Variants in SNX4 observed in about 807,000 individuals in gnomAD.
The protein encoded by SNX4 is sorting nexin 4, also known as sorting nexin-4.
Under a neutral mutation model 70.8 loss-of-function variants are expected in SNX4, and 49 were observed. That is an observed-to-expected ratio of 0.69 (90% CI 0.55 to 0.88). The LOEUF is 0.88. Among genes scored for constraint, SNX4 ranks in the 40% least tolerant of loss-of-function variants. The probability of loss-of-function intolerance (pLI) is 0.00; values close to 1 mark genes in which losing one functional copy is unlikely to be tolerated. For missense variants in SNX4, 528 were observed against 544.8 expected, an observed-to-expected ratio of 0.97 and a Z score of 0.31; for synonymous variants, 206 against 183.8, an observed-to-expected ratio of 1.12 and a Z score of -0.98.
intron 1 of SNX4, among the ~76,000 whole-genome samples, chr3:125,516,656 C>A (rs1935290787): frequency 6.6e-6 from 1 of 152,176 alleles, no homozygotes; most frequent in Non-Finnish European, 1.5e-5. Context: ...GCCTGGCCAA[C>A]ATGGTGAAAC....
intron 5 of SNX4, among the ~76,000 whole-genome samples, chr3:125,496,039 T>C (rs1041858438): frequency 6.6e-6 from 1 of 152,152 alleles, no homozygotes. Context: ...ACAGTAAAAC[T>C]AGCACTTCGG....
intron 1 of SNX4, among the ~76,000 whole-genome samples, chr3:125,510,358 GA>G (rs1320293794): frequency 1.3e-5 from 2 of 151,664 alleles, no homozygotes; most frequent in Non-Finnish European, 2.9e-5. Context: ...AGCCTCCCGA[GA>G]AGCTGGGACT....
At chr3:125,496,059 G>A (rs935990338) in intron 5 of SNX4, among the ~76,000 whole-genome samples, 33 of 152,180 alleles carry the variant, frequency 2.2e-4, no homozygotes, top group Admixed American at 2.0e-3. Flanking sequence ...GGAGGCTGAG[G>A]AGAGAGAATC....
rs1310566978 is a variant in SNX4 at position 125,485,983 on chromosome 3, G to C, written c.653+3425C>G. 2.6e-5 allele frequency among the ~76,000 whole-genome samples: 4 copies of C among 152,262 alleles called. No individual in the cohort carries two copies. The East Asian group carries it at 7.7e-4, about 29-fold the overall frequency. Reference sequence around the variant, plus strand: ...AGCCTCCTGAGTAGCTGGGATTACAGGTGTGCCCCACCACACCCAACTGAT... The same window carrying C: ...AGCCTCCTGAGTAGCTGGGATTACACGTGTGCCCCACCACACCCAACTGAT... On this transcript the variant is annotated intron_variant, in intron 6 of 13. Transcript: ENST00000251775.
intron 5 of SNX4, among the ~76,000 whole-genome samples, chr3:125,494,777 C>A (rs1934744747): frequency 6.6e-6 from 1 of 152,164 alleles, no homozygotes; most frequent in Non-Finnish European, 1.5e-5. Context: ...TCTACTTTTT[C>A]TTGAGGCCTC....
intron 5 of SNX4, among the ~76,000 whole-genome samples, chr3:125,490,256 C>A (rs116513045): frequency 6.6e-6 from 1 of 151,874 alleles, no homozygotes; most frequent in East Asian, 1.9e-4. Flanking sequence ...TGTACTAGGC[C>A]GGGCGCGGTG....
At chr3:125,517,055 C>T (rs962908661) in intron 1 of SNX4, 2 of 152,112 alleles carry the variant, frequency 1.3e-5, no homozygotes, top group South Asian at 2.1e-4. Context: ...ACTGTTTCCC[C>T]CCTTCTCACT....
intron 6 of SNX4, among the ~76,000 whole-genome samples, chr3:125,488,368 G>A (rs1262912786): frequency 6.6e-6 from 1 of 151,738 alleles, no homozygotes; most frequent in Non-Finnish European, 1.5e-5. Context: ...CTAGCTACTC[G>A]GGAGGCGGAG....
intron 1 of SNX4, among the ~76,000 whole-genome samples, chr3:125,506,923 A>G (rs370902614): frequency 2.1e-5 from 3 of 144,548 alleles, no homozygotes; most frequent in South Asian, 5.0e-4. Context: ...AAAAAGTGGC[A>G]GGGCATGATG....
intron 2 of SNX4, among the ~76,000 whole-genome samples, chr3:125,500,902 A>G (rs1934915310): frequency 1.3e-5 from 2 of 151,898 alleles, no homozygotes; most frequent in South Asian, 4.1e-4. Context: ...AAAAAAAAAA[A>G]AAATTACAGA....
chr3:125,460,143 G>C (rs565553531), intron 10 of SNX4, among the ~76,000 whole-genome samples: 1 of 147,060 alleles, frequency 6.8e-6, no homozygotes, highest in African/African-American at 2.5e-5. Flanking sequence ...GCAGTGAGCC[G>C]AGATCACGCC....
intron 2 of SNX4, among the ~76,000 whole-genome samples, chr3:125,499,333 C>T (rs187132561): frequency 1.3e-5 from 2 of 152,240 alleles, no homozygotes; most frequent in Non-Finnish European, 2.9e-5. Flanking sequence ...TGTATTTGTA[C>T]ATTAGGACAA....
chr3:125,495,959 G>C lies in SNX4; in HGVS notation c.597+1382C>G, dbSNP rs1411209854. 2.0e-5 allele frequency among the ~76,000 whole-genome samples: 3 copies of C among 152,110 alleles called. No individual in the cohort carries two copies. The East Asian group carries it at 5.8e-4, about 29-fold the overall frequency. On this transcript the variant is annotated intron_variant, in intron 5 of 13. Coordinates refer to ENST00000251775, the MANE Select transcript of SNX4 (RefSeq NM_003794.4). Reference sequence around the variant, plus strand: ...TACCATTCTCTCTGAGTGTTATAAAGTGATGAATTACAGCCAAGAAAATTC... The same window carrying C: ...TACCATTCTCTCTGAGTGTTATAAACTGATGAATTACAGCCAAGAAAATTC...
At chr3:125,450,227 C>G (rs145291297) in intron 13 of SNX4, among the ~76,000 whole-genome samples, 2 of 152,332 alleles carry the variant, frequency 1.3e-5, no homozygotes, top group Middle Eastern at 3.4e-3. Flanking sequence ...CCTGCAGACT[C>G]AACAGTCACG....
chr3:125,495,983 T>C (rs1934784209), intron 5 of SNX4, among the ~76,000 whole-genome samples: 1 of 152,176 alleles, frequency 6.6e-6, no homozygotes, highest in Non-Finnish European at 1.5e-5. Context: ...CCAAGAAAAT[T>C]CTAATTGTTT....
At chr3:125,485,630 G>GT (rs1453047621) in intron 6 of SNX4, among the ~76,000 whole-genome samples, 1 of 152,108 alleles carries the variant, frequency 6.6e-6, no homozygotes, top group African/African-American at 2.4e-5. Context: ...TACGGCTGTA[G>GT]TTTTCTCTAC....
intron 9 of SNX4, among the ~76,000 whole-genome samples, chr3:125,462,478 T>G (rs146345706): frequency 6.0e-4 from 91 of 150,998 alleles, no homozygotes; most frequent in South Asian, 4.0e-3. Context: ...TAGTCCCAGG[T>G]GCTCAGGAGG....
At chr3:125,492,144 G>A (rs896865590) in intron 5 of SNX4, among the ~76,000 whole-genome samples, 4 of 143,940 alleles carry the variant, frequency 2.8e-5, no homozygotes, top group Non-Finnish European at 6.1e-5. Flanking sequence ...GAATATAAGA[G>A]CCATAAAAAG....
chr3:125,510,056 C>CA (rs1935138295), intron 1 of SNX4, among the ~76,000 whole-genome samples: 1 of 152,158 alleles, frequency 6.6e-6, no homozygotes, highest in South Asian at 2.1e-4. Context: ...AGTGGTGCCT[C>CA]AAAAAATTAA....
Sources: allele counts gnomAD v4.1 joint callset (sites outside exome capture counted in the v4.1 genomes callset), GRCh38; gene constraint gnomAD v4.1.1; transcripts MANE v1.5; gene names NCBI Gene and HGNC (gene_info 2026-07-23, HGNC 2026-07-21).